The following CPHXL variants were observed in gnomAD, a reference collection of about 807,000 sequenced individuals.
CPHXL encodes cytoplasmic polyadenylated homeobox-like protein.
chr16:75,718,815 A>G (rs575176991), intron 1 of CPHXL, among the ~76,000 whole-genome samples: 1 of 152,336 alleles, frequency 6.6e-6, no homozygotes, highest in African/African-American at 2.4e-5. Flanking sequence ...CATATTTACT[A>G]TCTGGATTTG....
At chr16:75,723,514 G>T (rs1959508134) in intron 1 of CPHXL, among the ~76,000 whole-genome samples, 2 of 152,240 alleles carry the variant, frequency 1.3e-5, no homozygotes, top group Non-Finnish European at 2.9e-5. Context: ...GCTTCAAAGA[G>T]AATAAAATAC....
intron 1 of CPHXL, among the ~76,000 whole-genome samples, chr16:75,718,933 T>A (rs117113520): frequency 2.0e-5 from 3 of 152,210 alleles, no homozygotes; most frequent in African/African-American, 7.2e-5. Context: ...AGGCAGGACA[T>A]GGGCTACTGA....
At chr16:75,724,838 C>T (rs1959531002) in intron 1 of CPHXL, among the ~76,000 whole-genome samples, 1 of 152,116 alleles carries the variant, frequency 6.6e-6, no homozygotes, top group South Asian at 2.1e-4. Flanking sequence ...ATGTTTATAG[C>T]AGCACTATTC....
Position 75,715,075 on chromosome 16 carries a change from T to G in CPHXL, c.367A>C (p.Lys123Gln), listed in dbSNP as rs536409198. Reference sequence around the variant, plus strand: ...CTCTGGGCACCAGAGAGGCTCTGCTTGGTGGCATAGTTGTGAGCTGCAGCC... The same window carrying G: ...CTCTGGGCACCAGAGAGGCTCTGCTGGGTGGCATAGTTGTGAGCTGCAGCC... ...TQAAAHNYAT[K>Q]QSLSGAQRAL... Residue 123 changes from lysine to glutamine, a missense_variant, in exon 3 of 3, where the codon AAG becomes CAG. Physicochemically the swap from Lys to Gln is moderately conservative, Grantham distance 53. Transcript: ENST00000640559. 2.5e-6 allele frequency: 1 copy of G among 398,704 alleles called. No individual in the cohort carries two copies. Among genetic ancestry groups the G allele is most frequent in the South Asian group, 1.3e-4 (1 of 7,876 alleles). 24.7% of individuals were successfully genotyped at this position (398,704 alleles called of 1,614,324 possible).
In CPHXL at chr16:75,718,459, C is replaced by G. The variant is rs1959425666; in HGVS notation, c.26-1G>C. The G allele has an allele frequency of 7.5e-6, 3 of 398,434 alleles. No individual in the cohort carries two copies. Among genetic ancestry groups the G allele is most frequent in the Non-Finnish European group, 1.3e-5 (3 of 226,026 alleles). 24.7% of individuals were successfully genotyped at this position (398,434 alleles called of 1,614,324 possible). ...TGATGATCCTCTTCAGCTGGGAAAC[C>G]TGACAAAAGTATAAGTAGCGAGAAG... On this transcript the variant is annotated splice_acceptor_variant, in intron 1 of 2. Coordinates refer to ENST00000640559, the MANE Select transcript of CPHXL (RefSeq NM_001355613.1). LOFTEE classifies it high-confidence loss of function.
chr16:75,714,652 C>A lies in CPHXL; in HGVS notation c.790G>T (p.Gly264Ter). Reference sequence around the variant, plus strand: ...CTTTCCTTGGTTTCAGTCCTTTCTCCATGAAAATATGGCACAGAAGATGGG... The same window carrying A: ...CTTTCCTTGGTTTCAGTCCTTTCTCAATGAAAATATGGCACAGAAGATGGG... ...PPPSSVPYFH[G>*]ERTETKESQH... The change falls in exon 3 of 3, where the codon GGA (glycine) becomes TGA (stop). Residue 264 changes from glycine to a stop codon, truncating the protein, a stop_gained. Coordinates refer to ENST00000640559, the MANE Select transcript of CPHXL (RefSeq NM_001355613.1). LOFTEE classifies it low-confidence loss of function (END_TRUNC). 2.5e-6 allele frequency: 1 copy of A among 398,656 alleles called. No homozygotes were observed. Among genetic ancestry groups the A allele is most frequent in the Non-Finnish European group, 4.4e-6 (1 of 226,088 alleles). 24.7% of individuals were successfully genotyped at this position (398,656 alleles called of 1,614,324 possible).
intron 1 of CPHXL, among the ~76,000 whole-genome samples, chr16:75,721,273 G>A (rs984576308): frequency 4.1e-4 from 62 of 152,238 alleles, no homozygotes; most frequent in Admixed American, 7.2e-4. Context: ...AAATGTAAAT[G>A]GGCTAAATGC....
At chr16:75,718,119 G>C in intron 2 of CPHXL, 146 bp downstream of exon 2, 1 of 386,788 alleles carries the variant, frequency 2.6e-6, no homozygotes, top group Non-Finnish European at 4.6e-6. Context: ...TCAGGGGACT[G>C]AGGTGGGGGA....
chr16:75,724,980 A>T (rs1175697206), intron 1 of CPHXL, among the ~76,000 whole-genome samples: 1 of 152,202 alleles, frequency 6.6e-6, no homozygotes, highest in Non-Finnish European at 1.5e-5. Flanking sequence ...TTGTAGGGAC[A>T]TGGATGAAGC....
At chr16:75,720,316 G>C (rs1195421273) in intron 1 of CPHXL, among the ~76,000 whole-genome samples, 2 of 152,064 alleles carry the variant, frequency 1.3e-5, no homozygotes, top group African/African-American at 4.8e-5. Flanking sequence ...AGCTAAAGGA[G>C]GAAGTTTGAA....
chr16:75,722,991 G>C (rs1470620096), intron 1 of CPHXL, among the ~76,000 whole-genome samples: 3 of 152,096 alleles, frequency 2.0e-5, no homozygotes, highest in African/African-American at 7.2e-5. Flanking sequence ...CAGAACCAAT[G>C]ACAAAAACCA....
intron 1 of CPHXL, among the ~76,000 whole-genome samples, chr16:75,723,670 T>A (rs1350985670): frequency 6.6e-6 from 1 of 152,122 alleles, no homozygotes; most frequent in Non-Finnish European, 1.5e-5. Flanking sequence ...AAAATGGCCA[T>A]ACTACCCAAG....
intron 1 of CPHXL, among the ~76,000 whole-genome samples, chr16:75,722,805 A>AG (rs1959496868): frequency 3.3e-5 from 5 of 152,134 alleles, no homozygotes; most frequent in Non-Finnish European, 4.4e-5. Context: ...ACAAAAAGAG[A>AG]ATTTTAGACC....
intron 1 of CPHXL, among the ~76,000 whole-genome samples, chr16:75,722,017 C>A (rs1172412769): frequency 6.6e-6 from 1 of 152,108 alleles, no homozygotes; most frequent in South Asian, 2.1e-4. Context: ...GGGTACAAAA[C>A]GAAATGAAGG....
intron 1 of CPHXL, among the ~76,000 whole-genome samples, chr16:75,719,015 G>T (rs754719636): frequency 8.5e-5 from 13 of 152,214 alleles, no homozygotes; most frequent in Non-Finnish European, 1.8e-4. Flanking sequence ...CTTTATCTGA[G>T]TGCTGAGTTC....
chr16:75,719,984 G>C (rs1959451917), intron 1 of CPHXL, among the ~76,000 whole-genome samples: 2 of 152,190 alleles, frequency 1.3e-5, no homozygotes, highest in Non-Finnish European at 2.9e-5. Flanking sequence ...CTGATACCCA[G>C]TCAAACAGGG....
intron 1 of CPHXL, among the ~76,000 whole-genome samples, chr16:75,723,308 A>G (rs1386853655): frequency 1.1e-4 from 16 of 151,816 alleles, no homozygotes; most frequent in African/African-American, 2.7e-4. Flanking sequence ...AGGAAGTCAA[A>G]TTGTCCCTGT....
chr16:75,716,462 T>A (rs1024114556), intron 2 of CPHXL, among the ~76,000 whole-genome samples: 4 of 152,134 alleles, frequency 2.6e-5, no homozygotes, highest in African/African-American at 7.2e-5. Flanking sequence ...GTGAAACACT[T>A]AGGTTTACCA....
chr16:75,715,049 C>G lies in CPHXL; in HGVS notation c.393G>C (p.Arg131Ser). The part of the protein sequence containing the change: ...ATKQSLSGAQ[R>S]ALMRRAGCSH... Reference sequence around the variant, plus strand: ...AGCAACCAGCTCTTCTCATCAGAGCCCTCTGGGCACCAGAGAGGCTCTGCT... The same window carrying G: ...AGCAACCAGCTCTTCTCATCAGAGCGCTCTGGGCACCAGAGAGGCTCTGCT... Residue 131 changes from arginine (R) to serine (S), a missense_variant, in exon 3 of 3, where the codon AGG (arginine) becomes AGC (serine). Physicochemically the swap from Arg to Ser is moderately radical, Grantham distance 110. Coordinates refer to ENST00000640559, the MANE Select transcript of CPHXL (RefSeq NM_001355613.1). 2.5e-6 allele frequency: 1 copy of G among 398,564 alleles called. No homozygotes were observed. The highest frequency in any genetic ancestry group is 3.6e-5 in the East Asian group (1 of 28,092). 24.7% of individuals were successfully genotyped at this position (398,564 alleles called of 1,614,324 possible). A position where few individuals can be genotyped will look rare whatever the true frequency, so the allele number is the denominator to read the frequency against.
Sources: allele counts gnomAD v4.1 joint callset (sites outside exome capture counted in the v4.1 genomes callset), GRCh38; gene constraint gnomAD v4.1.1; transcripts MANE v1.5; gene names NCBI Gene and HGNC (gene_info 2026-07-23, HGNC 2026-07-21).